TBC1D30: variants seen among roughly 807,000 people sequenced by gnomAD.
TBC1D30 encodes TBC1 domain family member 30, also known as TBC1 domain family, member 30.
In TBC1D30, 31 loss-of-function variants were observed where a neutral mutation model predicts 63.2. The ratio of observed to expected loss-of-function variants is 0.49; its 90% CI spans 0.37 to 0.66. TBC1D30 has a LOEUF of 0.66. TBC1D30 is among the 30% of genes least tolerant of loss of function. The pLI, the probability that TBC1D30 is intolerant of heterozygous loss-of-function variation, is 0.00. For synonymous variants in TBC1D30, 307 were observed against 361.5 expected (o/e 0.85, Z 1.71); for missense variants, 810 against 953.6 (o/e 0.85, Z 1.98).
At chr12:64,769,216 T>A (rs1870817763) in intron 1 of TBC1D30, among the ~76,000 whole-genome samples, 1 of 152,000 alleles carries the variant, frequency 6.6e-6, no homozygotes, top group African/African-American at 2.4e-5. Context: ...GTAGATTTTT[T>A]TTTTTTTGAG....
chr12:64,838,537 A>G (rs1875566468), intron 6 of TBC1D30, 146 bp from the exon 7 acceptor site: 1 of 823,996 alleles, frequency 1.2e-6, no homozygotes, highest in African/African-American at 1.7e-5. Context: ...ATGGCAGAAA[A>G]AAGAAAGAAC....
rs994326273 is a variant in TBC1D30 at position 64,877,702 on chromosome 12, C to T, written c.*1914C>T. The T allele has an allele frequency of 6.6e-6, 1 of 152,238 alleles. No individual in the cohort carries two copies. The highest frequency in any genetic ancestry group is 2.4e-5 in the African/African-American group (1 of 41,460). 9.4% of individuals were successfully genotyped at this position (152,238 alleles called of 1,614,324 possible). A position where few individuals can be genotyped will look rare whatever the true frequency, so the allele number is the denominator to read the frequency against. ...ACCACCCTCAGGGCCCAGAGACCCA[C>T]TGCATTTTCCAAAGTTAAGCAAATG... On this transcript the variant is annotated 3_prime_UTR_variant, in exon 12 of 12. Coordinates refer to ENST00000539867, the MANE Select transcript of TBC1D30 (RefSeq NM_015279.2).
chr12:64,803,110 C>G (rs1872678558), intron 2 of TBC1D30, among the ~76,000 whole-genome samples: 2 of 152,192 alleles, frequency 1.3e-5, no homozygotes, highest in South Asian at 4.1e-4. Flanking sequence ...TACAGTCCCA[C>G]CAACAGTGTA....
chr12:64,847,957 C>T (rs1876534888), intron 8 of TBC1D30, among the ~76,000 whole-genome samples: 1 of 150,174 alleles, frequency 6.7e-6, no homozygotes, highest in African/African-American at 2.4e-5. Flanking sequence ...TCTGGGTGAT[C>T]TGTCCAATGC....
intron 10 of TBC1D30, 39 bp from the exon 11 acceptor site, chr12:64,870,563 C>T: frequency 6.7e-7 from 1 of 1,500,886 alleles, no homozygotes; most frequent in African/African-American, 1.4e-5. Flanking sequence ...CTGTTCCCCT[C>T]CACCGACCAT....
intron 3 of TBC1D30, among the ~76,000 whole-genome samples, chr12:64,829,060 T>G: frequency 6.6e-6 from 1 of 151,258 alleles, no homozygotes; most frequent in East Asian, 2.0e-4. Flanking sequence ...GGGGAAGCAA[T>G]AGGTGAGGGG....
chr12:64,823,267 A>G (rs1180723125), upstream of TBC1D30, among the ~76,000 whole-genome samples: 2 of 152,188 alleles, frequency 1.3e-5, no homozygotes, highest in Non-Finnish European at 2.9e-5. Context: ...ACTGAATGAA[A>G]TGTAAGGTTT....
chr12:64,767,801 A>AG (rs370060179), intron 1 of TBC1D30, among the ~76,000 whole-genome samples: 3 of 70,354 alleles, frequency 4.3e-5, no homozygotes, highest in African/African-American at 1.0e-4. Flanking sequence ...GGGGGGGGGG[A>AG]GGGGGGGGAG....
chr12:64,785,512 A>T (rs1871518878), intron 1 of TBC1D30, among the ~76,000 whole-genome samples: 1 of 152,108 alleles, frequency 6.6e-6, no homozygotes, highest in Admixed American at 6.5e-5. Context: ...AGACTAAAAA[A>T]GATTCTTTTC....
intron 6 of TBC1D30, 136 bp from the exon 7 acceptor site, chr12:64,838,547 C>A: frequency 1.1e-6 from 1 of 882,926 alleles, no homozygotes; most frequent in Non-Finnish European, 1.7e-6. Flanking sequence ...AAAGAAAGAA[C>A]AAGAGTTTAG....
chr12:64,841,089 A>G (rs1231039866), intron 7 of TBC1D30, among the ~76,000 whole-genome samples: 1 of 152,234 alleles, frequency 6.6e-6, no homozygotes, highest in African/African-American at 2.4e-5. Context: ...GAATAGCAGA[A>G]CTGGGACTTC....
chr12:64,870,566 C>T (rs1233916436), intron 10 of TBC1D30, 36 bp from the exon 11 acceptor site: 1 of 1,511,662 alleles, frequency 6.6e-7, no homozygotes, highest in Non-Finnish European at 8.9e-7. Context: ...TTCCCCTCCA[C>T]CGACCATCTC....
At chr12:64,770,175 T>G (rs937589824) in intron 1 of TBC1D30, among the ~76,000 whole-genome samples, 1 of 152,232 alleles carries the variant, frequency 6.6e-6, no homozygotes, top group African/African-American at 2.4e-5. Flanking sequence ...GCTGTGGATA[T>G]TTGATTTGCC....
chr12:64,872,033 GT>G (rs1878697670), intron 11 of TBC1D30, among the ~76,000 whole-genome samples: 1 of 152,236 alleles, frequency 6.6e-6, no homozygotes, highest in Admixed American at 6.5e-5. Context: ...TTTTTTGTTT[GT>G]TTGTTTGTTT....
At chr12:64,808,436 A>G (rs917369628) in intron 2 of TBC1D30, among the ~76,000 whole-genome samples, 2 of 152,162 alleles carry the variant, frequency 1.3e-5, no homozygotes, top group African/African-American at 4.8e-5. Context: ...TGTCTAGCAC[A>G]TTGCTTGCAC....
chr12:64,808,633 C>T (rs938124233), intron 2 of TBC1D30, among the ~76,000 whole-genome samples: 3 of 152,068 alleles, frequency 2.0e-5, no homozygotes, highest in Non-Finnish European at 4.4e-5. Context: ...TTTAAGTGTA[C>T]AATTCAGTGA....
rs1879305757 is a variant in TBC1D30 at position 64,879,268 on chromosome 12, G to C, written c.*3480G>C. On this transcript the variant is annotated 3_prime_UTR_variant, in exon 12 of 12. Transcript: ENST00000539867. The stretch of plus-strand genomic sequence containing the variant: ...TCTGGTAAATGCTCTTATACAATAT[G>C]ATTTTTAGTGACTAATATTCCCTAA... 6.6e-6 allele frequency: 1 copy of C among 152,154 alleles called. No individual in the cohort carries two copies. The highest frequency in any genetic ancestry group is 1.5e-5 in the Non-Finnish European group (1 of 68,026). The allele number at this position is 152,154 out of a possible 1,614,324, so 9.4% of individuals were successfully genotyped here. A position where few individuals can be genotyped will look rare whatever the true frequency, so the allele number is the denominator to read the frequency against.
chr12:64,766,984 A>T (rs1870737365), intron 1 of TBC1D30, among the ~76,000 whole-genome samples: 1 of 152,170 alleles, frequency 6.6e-6, no homozygotes, highest in Non-Finnish European at 1.5e-5. Flanking sequence ...AAATTAGAAA[A>T]TACTTTGAGA....
At chr12:64,788,810 T>G (rs1490173120) in intron 2 of TBC1D30, among the ~76,000 whole-genome samples, 1 of 152,148 alleles carries the variant, frequency 6.6e-6, no homozygotes, top group African/African-American at 2.4e-5. Flanking sequence ...GAACAGAATG[T>G]TTTTTGGTAA....
Sources: allele counts gnomAD v4.1 joint callset (sites outside exome capture counted in the v4.1 genomes callset), GRCh38; gene constraint gnomAD v4.1.1; transcripts MANE v1.5; gene names NCBI Gene and HGNC (gene_info 2026-07-23, HGNC 2026-07-21).